Variants in NAV2 observed in about 807,000 individuals in gnomAD.
NAV2 encodes neuron navigator 2.
Under a neutral mutation model 223.2 loss-of-function variants are expected in NAV2, and 54 were observed. That is an observed-to-expected ratio of 0.24 (90% CI 0.19 to 0.30). The LOEUF (loss-of-function observed/expected upper bound fraction) is 0.30, where lower values mean the gene tolerates loss of function less well. Among genes scored for constraint, NAV2 ranks in the 10% least tolerant of loss-of-function variants. The probability of loss-of-function intolerance (pLI) is 1.00; values close to 1 mark genes in which losing one functional copy is unlikely to be tolerated. For missense variants in NAV2, 2,806 were observed against 3,147.5 expected (o/e 0.89, Z 2.60); for synonymous variants, 1,279 against 1,239.3 (o/e 1.03, Z -0.67).
intron 1 of NAV2, among the ~76,000 whole-genome samples, chr11:19,428,805 G>A (rs1404973723): frequency 1.3e-5 from 2 of 152,186 alleles, no homozygotes; most frequent in Non-Finnish European, 2.9e-5. Context: ...TGTGAAATGA[G>A]CAGAGGTGTA....
At chr11:19,939,832 C>G (rs985353232) in intron 8 of NAV2, 59 bp downstream of exon 8, 3 of 1,240,330 alleles carry the variant, frequency 2.4e-6, no homozygotes, top group African/African-American at 3.0e-5. Flanking sequence ...CACGCAATAC[C>G]TGCTGGAACA....
intron 1 of NAV2, among the ~76,000 whole-genome samples, chr11:19,385,728 C>A (rs1168031953): frequency 7.4e-6 from 1 of 135,226 alleles, no homozygotes; most frequent in East Asian, 2.4e-4. Context: ...CTGTTTATTT[C>A]TCAACTGCTT....
intron 1 of NAV2, among the ~76,000 whole-genome samples, chr11:19,523,870 T>G (rs1196763052): frequency 6.6e-6 from 1 of 152,238 alleles, no homozygotes; most frequent in Non-Finnish European, 1.5e-5. Flanking sequence ...CCCCAGACAC[T>G]GAAGTTCTCT....
chr11:20,034,070 C>T (rs1174535893), intron 11 of NAV2, among the ~76,000 whole-genome samples: 1 of 152,164 alleles, frequency 6.6e-6, no homozygotes, highest in African/African-American at 2.4e-5. Context: ...CTGGTGTGTG[C>T]TGAGAATTGA....
intron 1 of NAV2, among the ~76,000 whole-genome samples, chr11:19,497,045 C>T (rs1211742892): frequency 6.6e-6 from 1 of 152,162 alleles, no homozygotes; most frequent in African/African-American, 2.4e-5. Flanking sequence ...GCCGCCATTG[C>T]ATTTGCTCTT....
chr11:19,964,597 G>A (rs1250999643), intron 10 of NAV2, among the ~76,000 whole-genome samples: 4 of 151,484 alleles, frequency 2.6e-5, no homozygotes, highest in African/African-American at 9.7e-5. Flanking sequence ...CTAGGCTCAA[G>A]CAGTCCTCCT....
At position 19,831,305 on chromosome 11, in the gene NAV2, G is replaced by A. The variant is rs191049153; in HGVS notation, c.268-1179G>A. Among the ~76,000 whole-genome samples, 42 of 147,448 alleles carry A rather than the reference G, an allele frequency of 2.8e-4. No homozygotes were observed. The East Asian group carries it at 7.8e-3, about 27-fold the overall frequency. ...ACTGGGAAAGGCATTTGGAAGAACA[G>A]GATGGAGGGTGAGGATGAGACCATA... On this transcript the variant is annotated intron_variant, in intron 1 of 37. Transcript: ENST00000349880.
intron 1 of NAV2, among the ~76,000 whole-genome samples, chr11:19,466,104 T>C (rs1852339144): frequency 6.6e-6 from 1 of 152,204 alleles, no homozygotes; most frequent in Non-Finnish European, 1.5e-5. Context: ...ATGATAATGT[T>C]GGTGCTGTGT....
intron 1 of NAV2, among the ~76,000 whole-genome samples, chr11:19,801,605 TC>T (rs774075753): frequency 6.6e-6 from 1 of 152,176 alleles, no homozygotes; most frequent in Non-Finnish European, 1.5e-5. Context: ...GCCCTGAGGA[TC>T]ATGAGCCAGG....
chr11:19,411,408 C>T (rs1394625512), intron 1 of NAV2, among the ~76,000 whole-genome samples: 1 of 152,140 alleles, frequency 6.6e-6, no homozygotes, highest in African/African-American at 2.4e-5. Flanking sequence ...GTGCTTTCTC[C>T]GTTATTACAA....
In NAV2 at chr11:19,949,005, G is replaced by A; in HGVS notation, c.2570G>A (p.Ser857Asn). The A allele has an allele frequency of 1.2e-6, 2 of 1,613,856 alleles. No individual in the cohort carries two copies. The highest frequency in any genetic ancestry group is 1.7e-6 in the Non-Finnish European group (2 of 1,179,800). Residue 857 changes from serine (S) to asparagine (N), a missense_variant, in exon 10 of 38, where the codon AGC becomes AAC. Ser to Asn is a conservative substitution (Grantham distance 46). This residue lies in a region of NAV2 where 1,167 missense variants were observed against 1,180.5 expected (regional missense o/e 0.99). Coordinates refer to ENST00000349880, the MANE Select transcript of NAV2 (RefSeq NM_145117.5). ...AGDEMDLEGISMDAPGYMSDG... is the reference protein window; with the variant it reads ...AGDEMDLEGINMDAPGYMSDG... The stretch of plus-strand genomic sequence containing the variant: ...GATGAGATGGACCTGGAAGGCATCA[G>A]CATGGATGCCCCCGGCTACATGAGC...
intron 8 of NAV2, among the ~76,000 whole-genome samples, chr11:19,945,734 G>A (rs1446875880): frequency 6.6e-6 from 1 of 152,164 alleles, no homozygotes; most frequent in Non-Finnish European, 1.5e-5. Context: ...GGATCTCCAG[G>A]CCTGATCCCA....
chr11:19,674,153 G>T (rs1283678430), intron 1 of NAV2, among the ~76,000 whole-genome samples: 2 of 152,158 alleles, frequency 1.3e-5, no homozygotes, highest in East Asian at 1.9e-4. Context: ...GCTCTCTCCT[G>T]CTGGCCCCAA....
chr11:19,828,288 T>TTG (rs900368281), intron 1 of NAV2, among the ~76,000 whole-genome samples: 3 of 152,158 alleles, frequency 2.0e-5, no homozygotes, highest in Non-Finnish European at 4.4e-5. Context: ...TCACCATTAT[T>TTG]TATCTCCAGA....
chr11:19,436,499 T>C (rs185650055), intron 1 of NAV2, among the ~76,000 whole-genome samples: 1 of 152,268 alleles, frequency 6.6e-6, no homozygotes, highest in African/African-American at 2.4e-5. Context: ...TTTTGAAATC[T>C]TGTAGTGTGA....
chr11:19,533,775 C>T (rs957085754), intron 1 of NAV2, among the ~76,000 whole-genome samples: 2 of 127,730 alleles, frequency 1.6e-5, no homozygotes, highest in Non-Finnish European at 3.0e-5. Flanking sequence ...GGCGGGATCT[C>T]GGCTCACTGC....
intron 1 of NAV2, among the ~76,000 whole-genome samples, chr11:19,594,246 G>T (rs4757823): frequency 6.6e-6 from 1 of 152,064 alleles, no homozygotes; most frequent in Non-Finnish European, 1.5e-5. Flanking sequence ...CCAGGTCATC[G>T]GCCCATTTAC....
chr11:19,567,218 G>A (rs1219247828), intron 1 of NAV2, among the ~76,000 whole-genome samples: 1 of 152,112 alleles, frequency 6.6e-6, no homozygotes, highest in Non-Finnish European at 1.5e-5. Flanking sequence ...TTTCACTTTT[G>A]ACTGTGGACT....
intron 6 of NAV2, among the ~76,000 whole-genome samples, chr11:19,897,904 A>ATATATATATATATATATATATATATGTG (rs1268441003): frequency 6.8e-6 from 1 of 147,756 alleles, no homozygotes; most frequent in African/African-American, 2.6e-5. Flanking sequence ...ATATATATAT[A>ATATATATATATATATATATATATATGTG]TGTGAGCAGA....
Sources: gnomAD v4.1 joint callset for allele counts (sites outside exome capture counted in the v4.1 genomes callset) on GRCh38, gnomAD v4.1.1 for gene constraint, gnomAD v4.1.1 regional missense constraint, MANE v1.5 for transcripts, NCBI Gene and HGNC (gene_info 2026-07-23, HGNC 2026-07-21) for gene names.